ARL15: variants seen among roughly 807,000 people sequenced by gnomAD.
ARL15 encodes ADP-ribosylation factor-like protein 15.
ARL15 carries 19 observed loss-of-function variants against 25.2 expected under a neutral mutation model. The observed-to-expected ratio is 0.75, with a 90% CI of 0.53 to 1.10. The LOEUF (loss-of-function observed/expected upper bound fraction) is 1.10, where lower values mean the gene tolerates loss of function less well. Ranked by LOEUF, ARL15 falls within the 50% of genes least tolerant of loss-of-function variation. ARL15 has a pLI of 0.00. For missense variants in ARL15, 220 were observed against 246.0 expected, an observed-to-expected ratio of 0.89 and a Z score of 0.71; for synonymous variants, 94 against 86.8, an observed-to-expected ratio of 1.08 and a Z score of -0.46.
At chr5:54,307,706 C>G (rs904115081) in intron 1 of ARL15, among the ~76,000 whole-genome samples, 2 of 152,160 alleles carry the variant, frequency 1.3e-5, no homozygotes, top group Non-Finnish European at 2.9e-5. Context: ...CCTTTCCACT[C>G]TCCTCCAAAT....
At chr5:54,274,309 A>G (rs1250411442) in intron 1 of ARL15, among the ~76,000 whole-genome samples, 2 of 152,218 alleles carry the variant, frequency 1.3e-5, no homozygotes, top group African/African-American at 2.4e-5. Context: ...TCTTGAGAGA[A>G]AAGGATACAT....
intron 2 of ARL15, among the ~76,000 whole-genome samples, chr5:54,159,440 T>C (rs1366088517): frequency 6.6e-6 from 1 of 152,186 alleles, no homozygotes. Context: ...CAGCCACATT[T>C]TTGTCTTGCC....
At position 54,310,423 on chromosome 5, in the gene ARL15, T is replaced by C; in HGVS notation, c.48+9A>G. The C allele has an allele frequency of 6.2e-7, 1 of 1,609,104 alleles. No individual in the cohort carries two copies. The highest frequency in any genetic ancestry group is 2.2e-5 in the East Asian group (1 of 44,616). ...GAGAGGCGACATGCCACCCCTGCCC[T>C]GCACCTACCAGATAATCCATGTACA... On this transcript the variant is annotated intron_variant, in intron 1 of 4. Transcript: ENST00000504924.
intron 3 of ARL15, among the ~76,000 whole-genome samples, chr5:54,130,221 A>G (rs927185843): frequency 6.6e-6 from 1 of 152,174 alleles, no homozygotes; most frequent in East Asian, 1.9e-4. Flanking sequence ...CTGTCTCAAA[A>G]CAAAACAAAC....
At chr5:54,304,777 A>C (rs949017241) in intron 1 of ARL15, among the ~76,000 whole-genome samples, 3 of 152,262 alleles carry the variant, frequency 2.0e-5, no homozygotes, top group Admixed American at 6.5e-5. Context: ...TATCACTTTA[A>C]AGTTAGTCAC....
chr5:54,004,714 T>C (rs1343682950), intron 4 of ARL15, among the ~76,000 whole-genome samples: 1 of 152,076 alleles, frequency 6.6e-6, no homozygotes, highest in Non-Finnish European at 1.5e-5. Flanking sequence ...GGACATTAGA[T>C]AAATACTGCT....
chr5:53,916,555 A>AAGT (rs759804020), intron 4 of ARL15, among the ~76,000 whole-genome samples: 2 of 152,140 alleles, frequency 1.3e-5, no homozygotes, highest in Non-Finnish European at 2.9e-5. Flanking sequence ...TCAGAACACA[A>AAGT]AGTATTATTA....
chr5:53,898,793 C>G (rs1423636777), intron 4 of ARL15, among the ~76,000 whole-genome samples: 2 of 151,806 alleles, frequency 1.3e-5, no homozygotes, highest in Non-Finnish European at 2.9e-5. Context: ...GCGAGGACCA[C>G]AGGCGTGTAC....
chr5:54,149,258 T>C (rs1028656544), intron 3 of ARL15, among the ~76,000 whole-genome samples: 7 of 152,212 alleles, frequency 4.6e-5, no homozygotes, highest in African/African-American at 1.7e-4. Flanking sequence ...CAAGATCATT[T>C]GATATTAACG....
At chr5:54,214,262 T>C (rs183694706) in intron 1 of ARL15, among the ~76,000 whole-genome samples, 11 of 152,138 alleles carry the variant, frequency 7.2e-5, no homozygotes, top group African/African-American at 2.4e-4. Context: ...GCCACTGGAG[T>C]AGATAAGAGA....
At chr5:54,085,052 T>C (rs1406516651) in intron 4 of ARL15, among the ~76,000 whole-genome samples, 2 of 152,214 alleles carry the variant, frequency 1.3e-5, no homozygotes, top group Non-Finnish European at 2.9e-5. Context: ...ACTGAAATTA[T>C]AGAACAAATA....
intron 1 of ARL15, among the ~76,000 whole-genome samples, chr5:54,241,179 TAAAG>T (rs1265705593): frequency 3.3e-5 from 5 of 152,064 alleles, no homozygotes; most frequent in South Asian, 2.1e-4. Context: ...GTTCTGTCCA[TAAAG>T]AAAGAAAGAA....
intron 4 of ARL15, among the ~76,000 whole-genome samples, chr5:53,985,694 T>G (rs1412975975): frequency 6.6e-6 from 1 of 152,226 alleles, no homozygotes; most frequent in Non-Finnish European, 1.5e-5. Context: ...ATATAGTACA[T>G]TTGCTTATCT....
chr5:54,057,373 A>G (rs909911051), intron 4 of ARL15, among the ~76,000 whole-genome samples: 1 of 152,240 alleles, frequency 6.6e-6, no homozygotes, highest in Non-Finnish European at 1.5e-5. Context: ...AATGAAAACC[A>G]TAAGACTGGT....
intron 4 of ARL15, among the ~76,000 whole-genome samples, chr5:54,088,439 A>G (rs951036923): frequency 2.0e-5 from 3 of 152,194 alleles, no homozygotes; most frequent in African/African-American, 7.2e-5. Flanking sequence ...TTAAAACAAA[A>G]CTGTAAAAAA....
chr5:54,277,973 C>T (rs749508405), intron 1 of ARL15, among the ~76,000 whole-genome samples: 45 of 152,150 alleles, frequency 3.0e-4, no homozygotes, highest in Non-Finnish European at 6.0e-4. Flanking sequence ...CAGTACCATT[C>T]CTGGAGAAGG....
chr5:54,056,757 T>C (rs28626747), intron 4 of ARL15, among the ~76,000 whole-genome samples: 20,930 of 151,974 alleles, frequency 0.14, 2,380 homozygotes, highest in African/African-American at 0.31. Context: ...AATCACATAC[T>C]ATGAGGCACG....
chr5:54,017,677 GA>G (rs994571589), intron 4 of ARL15, among the ~76,000 whole-genome samples: 12 of 151,400 alleles, frequency 7.9e-5, no homozygotes, highest in Non-Finnish European at 1.3e-4. Flanking sequence ...GGGAAGGCTA[GA>G]AAAATGAGCC....
intron 4 of ARL15, among the ~76,000 whole-genome samples, chr5:54,059,360 A>G (rs192781328): frequency 3.3e-5 from 5 of 152,334 alleles, no homozygotes; most frequent in African/African-American, 1.2e-4. Flanking sequence ...ATACAAAGTG[A>G]TCAACCAGAA....
Sources: allele counts gnomAD v4.1 joint callset (sites outside exome capture counted in the v4.1 genomes callset), GRCh38; gene constraint gnomAD v4.1.1; transcripts MANE v1.5; gene names NCBI Gene and HGNC (gene_info 2026-07-23, HGNC 2026-07-21).